FBLN2: variants seen among roughly 807,000 people sequenced by gnomAD.
The protein encoded by FBLN2 is fibulin-2.
Under a neutral mutation model 123.7 loss-of-function variants are expected in FBLN2, and 81 were observed. The observed-to-expected ratio is 0.65, with a 90% confidence interval of 0.55 to 0.79. FBLN2 has a LOEUF of 0.79. FBLN2 is among the 30% of genes least tolerant of loss of function. The pLI, the probability that FBLN2 is intolerant of heterozygous loss-of-function variation, is 0.00. For synonymous variants in FBLN2, 699 were observed against 701.4 expected (o/e 1.00, Z 0.05); for missense variants, 1,603 against 1,681.3 (o/e 0.95, Z 0.81).
At chr3:13,621,177 G>T (rs1207333286) in intron 8 of FBLN2, among the ~76,000 whole-genome samples, 1 of 152,270 alleles carries the variant, frequency 6.6e-6, no homozygotes, top group Non-Finnish European at 1.5e-5. Context: ...GTTGCAATGG[G>T]CATTCAGAGA....
In FBLN2 at chr3:13,552,981, G is replaced by A. The variant is rs561037785; in HGVS notation, c.-42+3773G>A. 3.1e-3 allele frequency among the ~76,000 whole-genome samples: 475 copies of A among 152,262 alleles called. 2 individuals carry two copies. Among genetic ancestry groups the A allele is most frequent in the Non-Finnish European group, 3.5e-3 (237 of 68,002 alleles). On this transcript the variant is annotated intron_variant, in intron 1 of 17. Coordinates refer to ENST00000404922, the MANE Select transcript of FBLN2 (RefSeq NM_001004019.2). The stretch of plus-strand genomic sequence containing the variant: ...AATGCTTTGTCGGGGCCATCCTGGA[G>A]GAGAACGCTGAAGCCATGGGAACTG...
rs546464052 is a variant in FBLN2, at chr3:13,609,615, C to T, written c.1521C>T (p.Asn507=). ...GTGAGACCTGTGGGGCTGAGGACAA[C>T]GACAGCTGCGGCATCTCCCTGTACA... ...KEGETCGAED[N]DSCGISLYKQ... The change falls in exon 4 of 18, where the codon AAC becomes AAT. Residue 507 remains asparagine (N), a synonymous_variant. Coordinates refer to ENST00000404922, the MANE Select transcript of FBLN2 (RefSeq NM_001004019.2). 1.7e-5 allele frequency: 26 copies of T among 1,571,432 alleles called. No homozygotes were observed. The highest frequency in any genetic ancestry group is 2.0e-4 in the Middle Eastern group (1 of 4,926).
chr3:13,560,573 C>T (rs1020937513), intron 1 of FBLN2, among the ~76,000 whole-genome samples: 9 of 152,188 alleles, frequency 5.9e-5, no homozygotes, highest in Non-Finnish European at 1.0e-4. Flanking sequence ...GCCCTTTCCT[C>T]GCAGCCAAGC....
chr3:13,610,104 AG>A (rs1705341664), intron 4 of FBLN2, among the ~76,000 whole-genome samples: 1 of 152,168 alleles, frequency 6.6e-6, no homozygotes, highest in Admixed American at 6.5e-5. Flanking sequence ...CTCACTGAGG[AG>A]GGGACATTTG....
chr3:13,602,305 G>T (rs1705059280), intron 2 of FBLN2, among the ~76,000 whole-genome samples: 2 of 152,200 alleles, frequency 1.3e-5, no homozygotes, highest in East Asian at 3.9e-4. Context: ...TGAGCGCCTT[G>T]TCTTCTTGTT....
In FBLN2 at chr3:13,636,398, G is replaced by A. The variant is rs1015245080; in HGVS notation, c.3215-47G>A. On this transcript the variant is annotated intron_variant, in intron 16 of 17. Coordinates refer to ENST00000404922, the MANE Select transcript of FBLN2 (RefSeq NM_001004019.2). The stretch of plus-strand genomic sequence containing the variant: ...ATGCAGGCTGGGGAGTTTCAGGCTG[G>A]GTCCCCCAGCTGTGGGGACCCTGCC... 6 of 1,603,312 alleles carry A rather than the reference G, an allele frequency of 3.7e-6. No individual in the cohort carries two copies. In the Admixed American group the frequency reaches 8.5e-5, roughly 23 times the overall value.
chr3:13,630,924 C>T (rs766476528), intron 15 of FBLN2, 109 bp downstream of exon 15: 12 of 847,330 alleles, frequency 1.4e-5, no homozygotes, highest in Non-Finnish European at 2.3e-5. Flanking sequence ...GTTTTAGCAT[C>T]AGATCTGAGT....
At chr3:13,606,628 A>G (rs1470739863) in intron 2 of FBLN2, among the ~76,000 whole-genome samples, 1 of 151,932 alleles carries the variant, frequency 6.6e-6, no homozygotes, top group Non-Finnish European at 1.5e-5. Flanking sequence ...ATTAACACAT[A>G]TTTTATATGT....
chr3:13,621,871 T>C lies in FBLN2; in HGVS notation c.2252T>C (p.Leu751Pro). The change falls in exon 9 of 18, where the codon CTC (leucine) becomes CCC (proline). Residue 751 changes from leucine (L) to proline (P), a missense_variant. By Grantham distance (98) the Leu-to-Pro change is moderately conservative (BLOSUM62 -3). Coordinates refer to ENST00000404922, the MANE Select transcript of FBLN2 (RefSeq NM_001004019.2). Reference sequence around the variant, plus strand: ...TTCTACTGTGTCAACCACACAGTGCTCTGTGCCGATGGCTATATCCTCAAT... The same window carrying C: ...TTCTACTGTGTCAACCACACAGTGCCCTGTGCCGATGGCTATATCCTCAAT... ...GSFYCVNHTV[L>P]CADGYILNAH... The C allele has an allele frequency of 3.7e-6, 6 of 1,614,006 alleles. No individual in the cohort carries two copies. Among genetic ancestry groups the C allele is most frequent in the Non-Finnish European group, 5.1e-6 (6 of 1,179,878 alleles).
At chr3:13,608,002 C>G in intron 2 of FBLN2, 60 bp from the exon 3 acceptor site, 1 of 1,364,984 alleles carries the variant, frequency 7.3e-7, no homozygotes, top group Admixed American at 2.0e-5. Flanking sequence ...CAGGCCCCTG[C>G]ATATCTGCTG....
intron 16 of FBLN2, among the ~76,000 whole-genome samples, chr3:13,632,873 A>G (rs917900058): frequency 6.6e-6 from 1 of 152,186 alleles, no homozygotes; most frequent in Non-Finnish European, 1.5e-5. Flanking sequence ...GGACTCCGTA[A>G]AAGGTAAGGA....
intron 4 of FBLN2, among the ~76,000 whole-genome samples, chr3:13,613,471 T>C (rs907215530): frequency 2.0e-5 from 3 of 152,240 alleles, no homozygotes; most frequent in Non-Finnish European, 4.4e-5. Flanking sequence ...TTAATTATCT[T>C]TAACTTGTAG....
At position 13,565,486 on chromosome 3, in the gene FBLN2, C is replaced by T. The variant is rs1400343049; in HGVS notation, c.-41-4829C>T. 4.6e-5 allele frequency among the ~76,000 whole-genome samples: 7 copies of T among 152,312 alleles called. No homozygotes were observed. In the South Asian group the frequency reaches 1.0e-3, roughly 23 times the overall value. On this transcript the variant is annotated intron_variant, in intron 1 of 17. Transcript: ENST00000404922. ...CGCCAAATACAGAGGAATGGCTAGGCGCAGAGGCTCACGCTTGTGATCCCA... is the reference window on the plus strand; with the variant it reads ...CGCCAAATACAGAGGAATGGCTAGGTGCAGAGGCTCACGCTTGTGATCCCA...
chr3:13,619,747 C>A lies in FBLN2; in HGVS notation c.2071C>A (p.Gln691Lys). The stretch of plus-strand genomic sequence containing the variant: ...TCCTCCAGACAATGGACCCTGCAAG[C>A]AGGTGTGCAGCACTGTTGGGGGCTC... ...NTCKDNGPCK[Q>K]VCSTVGGSAI... Residue 691 changes from glutamine (Q) to lysine (K), a missense_variant, in exon 8 of 18, where the codon CAG (glutamine) becomes AAG (lysine). Gln to Lys is a moderately conservative substitution (Grantham distance 53). Transcript: ENST00000404922. 1 of 1,613,326 alleles carries A rather than the reference C, an allele frequency of 6.2e-7. No homozygotes were observed. The highest frequency in any genetic ancestry group is 2.2e-5 in the East Asian group (1 of 44,858).
At chr3:13,586,114 C>T (rs1008074810) in intron 2 of FBLN2, among the ~76,000 whole-genome samples, 19 of 152,080 alleles carry the variant, frequency 1.2e-4, no homozygotes, top group African/African-American at 2.9e-4. Context: ...AGGTGGAAGG[C>T]GGTAATATTG....
chr3:13,552,365 G>C (rs965049816), intron 1 of FBLN2, among the ~76,000 whole-genome samples: 1 of 152,176 alleles, frequency 6.6e-6, no homozygotes, highest in Non-Finnish European at 1.5e-5. Flanking sequence ...GAAGTGGAGT[G>C]AGTGAAAGGG....
At chr3:13,589,884 T>C (rs1322357306) in intron 2 of FBLN2, among the ~76,000 whole-genome samples, 1 of 152,226 alleles carries the variant, frequency 6.6e-6, no homozygotes, top group Admixed American at 6.5e-5. Context: ...TTAAAGTTTC[T>C]ATTGAAGCAT....
At chr3:13,611,000 G>A (rs758205523) in intron 4 of FBLN2, among the ~76,000 whole-genome samples, 16 of 151,846 alleles carry the variant, frequency 1.1e-4, no homozygotes, top group Middle Eastern at 3.2e-3. Flanking sequence ...TCCACCTCCC[G>A]GGTTCAAGCA....
At chr3:13,593,503 C>T (rs1031632026) in intron 2 of FBLN2, among the ~76,000 whole-genome samples, 1 of 151,992 alleles carries the variant, frequency 6.6e-6, no homozygotes, top group Non-Finnish European at 1.5e-5. Flanking sequence ...ATCACGAGGT[C>T]AGGAGTTCAA....
Sources: gnomAD v4.1 joint callset for allele counts (sites outside exome capture counted in the v4.1 genomes callset) on GRCh38, gnomAD v4.1.1 for gene constraint, MANE v1.5 for transcripts, NCBI Gene and HGNC (gene_info 2026-07-23, HGNC 2026-07-21) for gene names.